The following PRLR variants were observed in gnomAD, a reference collection of about 807,000 sequenced individuals.
The protein encoded by PRLR is prolactin receptor, also known as hPRL receptor.
Under a neutral mutation model 40.2 loss-of-function variants are expected in PRLR, and 13 were observed. The observed-to-expected ratio is 0.32, with a 90% confidence interval of 0.21 to 0.51. The LOEUF (loss-of-function observed/expected upper bound fraction) is 0.51, where lower values mean the gene tolerates loss of function less well. PRLR is among the 20% of genes least tolerant of loss of function. The probability of loss-of-function intolerance (pLI) is 0.97; values close to 1 mark genes in which losing one functional copy is unlikely to be tolerated. For synonymous variants in PRLR, 269 were observed against 278.7 expected, an observed-to-expected ratio of 0.97 and a Z score of 0.35; for missense variants, 656 against 747.3, an observed-to-expected ratio of 0.88 and a Z score of 1.42.
At chr5:35,127,389 A>G (rs1773505885) in intron 1 of PRLR, among the ~76,000 whole-genome samples, 1 of 152,244 alleles carries the variant, frequency 6.6e-6, no homozygotes, top group Non-Finnish European at 1.5e-5. Flanking sequence ...TGTAAATATC[A>G]TGACATTATT....
At chr5:35,145,508 G>T (rs1774157148) in intron 1 of PRLR, among the ~76,000 whole-genome samples, 1 of 152,180 alleles carries the variant, frequency 6.6e-6, no homozygotes, top group Non-Finnish European at 1.5e-5. Context: ...GAAGGTCCTT[G>T]TTGTGGTATG....
At chr5:35,164,827 G>A (rs1774774837) in intron 1 of PRLR, among the ~76,000 whole-genome samples, 1 of 152,172 alleles carries the variant, frequency 6.6e-6, no homozygotes, top group Non-Finnish European at 1.5e-5. Flanking sequence ...CGGTGGAACT[G>A]GTGAGGACAG....
At chr5:35,079,825 G>A (rs2112436760) in intron 5 of PRLR, among the ~76,000 whole-genome samples, 1 of 152,238 alleles carries the variant, frequency 6.6e-6, no homozygotes, top group Admixed American at 6.5e-5. Flanking sequence ...GCATGGTACT[G>A]GTACCAAAAC....
chr5:35,214,814 T>G (rs894831411), intron 1 of PRLR, among the ~76,000 whole-genome samples: 1 of 152,210 alleles, frequency 6.6e-6, no homozygotes, highest in Non-Finnish European at 1.5e-5. Context: ...ACTTCAGAAC[T>G]AATGACCATC....
chr5:35,131,586 A>G (rs1471541976), intron 1 of PRLR, among the ~76,000 whole-genome samples: 2 of 152,196 alleles, frequency 1.3e-5, no homozygotes, highest in Non-Finnish European at 2.9e-5. Flanking sequence ...AAGGATGCTG[A>G]TCCCCTGTAT....
At chr5:35,087,440 G>T (rs976222637) in intron 3 of PRLR, among the ~76,000 whole-genome samples, 15 of 151,564 alleles carry the variant, frequency 9.9e-5, no homozygotes, top group Non-Finnish European at 1.0e-4. Flanking sequence ...GTGTGTGTGT[G>T]TGTGTGTGTG....
intron 1 of PRLR, among the ~76,000 whole-genome samples, chr5:35,134,490 A>G (rs2111791190): frequency 6.6e-6 from 1 of 152,362 alleles, no homozygotes; most frequent in Admixed American, 6.5e-5. Context: ...ACACCAAGTT[A>G]CAAAGTTGAA....
intron 5 of PRLR, among the ~76,000 whole-genome samples, chr5:35,080,614 CA>C (rs1770445059): frequency 6.6e-6 from 1 of 152,162 alleles, no homozygotes; most frequent in Non-Finnish European, 1.5e-5. Flanking sequence ...CTAGTTCAAC[CA>C]TTGTGGAAGT....
At chr5:35,215,641 C>G (rs757299866) in intron 1 of PRLR, among the ~76,000 whole-genome samples, 3 of 152,142 alleles carry the variant, frequency 2.0e-5, no homozygotes, top group Non-Finnish European at 4.4e-5. Flanking sequence ...TGTTGTCTGT[C>G]TGATTCTAGC....
intron 1 of PRLR, among the ~76,000 whole-genome samples, chr5:35,133,002 T>G (rs190502907): frequency 6.6e-6 from 1 of 152,352 alleles, no homozygotes; most frequent in East Asian, 1.9e-4. Context: ...ACTGTGGGCC[T>G]GAATAGAACA....
At chr5:35,115,961 C>A (rs570013447) in intron 2 of PRLR, among the ~76,000 whole-genome samples, 11 of 152,196 alleles carry the variant, frequency 7.2e-5, no homozygotes, top group Admixed American at 5.2e-4. Context: ...ATATTGCTTT[C>A]TGGATGTTCT....
At chr5:35,077,256 G>C (rs1770171038) in intron 5 of PRLR, among the ~76,000 whole-genome samples, 1 of 152,120 alleles carries the variant, frequency 6.6e-6, no homozygotes, top group African/African-American at 2.4e-5. Context: ...CTGGCAAATT[G>C]GATAAAGAGT....
chr5:35,230,194 C>G (rs373229926), intron 1 of PRLR, 74 bp downstream of exon 1: 2 of 152,228 alleles, frequency 1.3e-5, no homozygotes, highest in South Asian at 4.1e-4. Flanking sequence ...GAACCCGCAT[C>G]CCGGAGAGCG....
intron 1 of PRLR, among the ~76,000 whole-genome samples, chr5:35,213,882 G>A (rs1776225871): frequency 6.6e-6 from 1 of 152,184 alleles, no homozygotes; most frequent in Non-Finnish European, 1.5e-5. Flanking sequence ...CTCAGTGCCT[G>A]GGGCCCAGTT....
chr5:35,210,005 A>G (rs927029103), intron 1 of PRLR, among the ~76,000 whole-genome samples: 4 of 152,012 alleles, frequency 2.6e-5, no homozygotes, highest in African/African-American at 9.7e-5. Context: ...GAGCTTGGGG[A>G]CTGGTCTCTC....
At chr5:35,192,152 T>A (rs1003852360) in intron 1 of PRLR, among the ~76,000 whole-genome samples, 10 of 152,208 alleles carry the variant, frequency 6.6e-5, no homozygotes, top group African/African-American at 1.4e-4. Context: ...GTTTCATTCA[T>A]CTTTGTATTG....
chr5:35,089,496 C>G, intron 3 of PRLR, 55 bp downstream of exon 3: 1 of 1,260,780 alleles, frequency 7.9e-7, no homozygotes, highest in Non-Finnish European at 1.2e-6. Flanking sequence ...GGACTCTCCA[C>G]CCTGTTGACA....
chr5:35,216,069 A>G (rs956863920), intron 1 of PRLR, among the ~76,000 whole-genome samples: 1 of 151,920 alleles, frequency 6.6e-6, no homozygotes, highest in Non-Finnish European at 1.5e-5. Context: ...GAAAAAAAAA[A>G]GAAATAGAAG....
At chr5:35,220,804 C>A (rs1451576860) in intron 1 of PRLR, among the ~76,000 whole-genome samples, 1 of 152,188 alleles carries the variant, frequency 6.6e-6, no homozygotes, top group Non-Finnish European at 1.5e-5. Flanking sequence ...AATCTCAGCA[C>A]CCCAGAAAAC....
Sources: allele counts gnomAD v4.1 joint callset (sites outside exome capture counted in the v4.1 genomes callset), GRCh38; gene constraint gnomAD v4.1.1; transcripts MANE v1.5; gene names NCBI Gene and HGNC (gene_info 2026-07-23, HGNC 2026-07-21).